ENOX1: variants seen among roughly 807,000 people sequenced by gnomAD.
ENOX1 encodes the protein ecto-NOX disulfide-thiol exchanger 1.
Under a neutral mutation model 82.5 loss-of-function variants are expected in ENOX1, and 42 were observed. The ratio of observed to expected loss-of-function variants is 0.51; its 90% confidence interval spans 0.40 to 0.66. ENOX1 has a LOEUF of 0.66. Ranked by LOEUF, ENOX1 falls within the 30% of genes least tolerant of loss-of-function variation. ENOX1 has a pLI of 0.00. For missense variants in ENOX1, 608 were observed against 811.6 expected, an observed-to-expected ratio of 0.75 and a Z score of 3.05; for synonymous variants, 271 against 282.2, an observed-to-expected ratio of 0.96 and a Z score of 0.40.
chr13:43,350,755 T>C (rs1038079926), intron 8 of ENOX1, among the ~76,000 whole-genome samples: 5 of 152,152 alleles, frequency 3.3e-5, no homozygotes, highest in African/African-American at 1.2e-4. Flanking sequence ...GGTGTTTTTT[T>C]CCTCCCGCTT....
At chr13:43,755,736 T>C (rs1181141142) in intron 1 of ENOX1, among the ~76,000 whole-genome samples, 1 of 152,184 alleles carries the variant, frequency 6.6e-6, no homozygotes, top group Non-Finnish European at 1.5e-5. Flanking sequence ...TATAAAATCA[T>C]CCACAATTGT....
At chr13:43,625,199 G>T (rs73477984) in intron 2 of ENOX1, among the ~76,000 whole-genome samples, 2 of 152,050 alleles carry the variant, frequency 1.3e-5, no homozygotes, top group African/African-American at 4.8e-5. Context: ...AATACAACTG[G>T]CTTTTATATG....
At chr13:43,668,376 T>C (rs955981047) in intron 1 of ENOX1, among the ~76,000 whole-genome samples, 1 of 152,166 alleles carries the variant, frequency 6.6e-6, no homozygotes, top group Non-Finnish European at 1.5e-5. Flanking sequence ...TTCAAGACCA[T>C]CCTCTGGTAT....
At position 43,250,756 on chromosome 13, in the gene ENOX1, T is replaced by A. The variant is rs78999954; in HGVS notation, c.1612-14018A>T. Among the ~76,000 whole-genome samples the A allele has an allele frequency of 9.8e-3, 1,492 of 152,346 alleles. 29 individuals carry two copies. The highest frequency in any genetic ancestry group is 0.034 in the African/African-American group (1,409 of 41,568). ...AAAGATGAATAATAGTGGTTCCTGC[T>A]ATCAAAGAATGTAGGAGTCTATAGG... On this transcript the variant is annotated intron_variant, in intron 14 of 16. Coordinates refer to ENST00000690772, the MANE Select transcript of ENOX1 (RefSeq NM_001347969.2).
intron 3 of ENOX1, among the ~76,000 whole-genome samples, chr13:43,436,325 C>T (rs538276080): frequency 6.6e-6 from 1 of 152,232 alleles, no homozygotes; most frequent in South Asian, 2.1e-4. Flanking sequence ...TACTCACCAA[C>T]TCATGAAATA....
chr13:43,590,767 C>A (rs2081210404), intron 2 of ENOX1, among the ~76,000 whole-genome samples: 3 of 89,352 alleles, frequency 3.4e-5, no homozygotes. Context: ...AAAAGTGAAA[C>A]TTCATCTCAA....
At chr13:43,565,109 T>C (rs2079861132) in intron 2 of ENOX1, among the ~76,000 whole-genome samples, 2 of 151,976 alleles carry the variant, frequency 1.3e-5, no homozygotes, top group South Asian at 4.1e-4. Context: ...GAAAGAGCAA[T>C]AAAGCAAATC....
chr13:43,477,181 A>AT (rs1257720997), intron 3 of ENOX1, among the ~76,000 whole-genome samples: 2 of 148,452 alleles, frequency 1.3e-5, no homozygotes, highest in African/African-American at 4.9e-5. Context: ...ATATATATAT[A>AT]GTATACACAC....
At chr13:43,744,311 AACAG>A (rs998692332) in intron 1 of ENOX1, among the ~76,000 whole-genome samples, 1 of 152,144 alleles carries the variant, frequency 6.6e-6, no homozygotes, top group East Asian at 1.9e-4. Flanking sequence ...CTGTTACAAA[AACAG>A]ACAGAAAGAG....
intron 1 of ENOX1, among the ~76,000 whole-genome samples, chr13:43,702,772 GA>G (rs2086980283): frequency 1.3e-5 from 2 of 151,998 alleles, no homozygotes; most frequent in South Asian, 2.1e-4. Context: ...CCAACATGGT[GA>G]AACCCCATCT....
At chr13:43,421,875 A>C (rs568999510) in intron 3 of ENOX1, among the ~76,000 whole-genome samples, 1 of 150,118 alleles carries the variant, frequency 6.7e-6, no homozygotes, top group African/African-American at 2.4e-5. Context: ...TTTACGTTTT[A>C]TATAAAATAT....
chr13:43,676,470 T>A (rs1029927553), intron 1 of ENOX1, among the ~76,000 whole-genome samples: 9 of 152,144 alleles, frequency 5.9e-5, no homozygotes, highest in African/African-American at 1.9e-4. Flanking sequence ...GACTCCCACC[T>A]CAAATTTAGA....
chr13:43,705,713 T>A (rs749034129), intron 1 of ENOX1, among the ~76,000 whole-genome samples: 1 of 151,998 alleles, frequency 6.6e-6, no homozygotes, highest in South Asian at 2.1e-4. Flanking sequence ...ACCATTCACA[T>A]AGTTGGAGAT....
At position 43,301,684 on chromosome 13, in the gene ENOX1, G is replaced by A. The variant is rs180880359; in HGVS notation, c.1262-3154C>T. 5.5e-3 allele frequency among the ~76,000 whole-genome samples: 828 copies of A among 151,920 alleles called. 3 individuals carry two copies. Among genetic ancestry groups the A allele is most frequent in the Non-Finnish European group, 8.2e-3 (556 of 67,966 alleles). On this transcript the variant is annotated intron_variant, in intron 11 of 16. Coordinates refer to ENST00000690772, the MANE Select transcript of ENOX1 (RefSeq NM_001347969.2). ...TCCTGATTAAATGATTTCAAGCTTG[G>A]TTTTTACAAAAAAATTTTCGTTACT...
intron 2 of ENOX1, among the ~76,000 whole-genome samples, chr13:43,492,343 T>A (rs1348435240): frequency 6.6e-6 from 1 of 152,112 alleles, no homozygotes; most frequent in East Asian, 1.9e-4. Flanking sequence ...AGACCCAGAG[T>A]TGGAGGACCC....
intron 9 of ENOX1, among the ~76,000 whole-genome samples, chr13:43,339,263 G>A (rs1296402576): frequency 6.6e-6 from 1 of 152,188 alleles, no homozygotes; most frequent in East Asian, 1.9e-4. Context: ...CTGAACTTCA[G>A]GAACGGTGGC....
At chr13:43,456,571 A>C (rs1240676809) in intron 3 of ENOX1, among the ~76,000 whole-genome samples, 2 of 152,100 alleles carry the variant, frequency 1.3e-5, no homozygotes. Flanking sequence ...CCCCTGCCTA[A>C]GGAGCCAGTC....
intron 3 of ENOX1, among the ~76,000 whole-genome samples, chr13:43,424,924 A>G (rs1566187025): frequency 6.6e-6 from 1 of 152,164 alleles, no homozygotes. Context: ...CAGCACATCC[A>G]GTTGGAAAGT....
intron 1 of ENOX1, among the ~76,000 whole-genome samples, chr13:43,712,632 C>A (rs2087806114): frequency 6.6e-6 from 1 of 151,014 alleles, no homozygotes; most frequent in Admixed American, 6.6e-5. Context: ...AGGTCCTTCA[C>A]ATCCCTTGTA....
Sources: gnomAD v4.1 joint callset for allele counts (sites outside exome capture counted in the v4.1 genomes callset) on GRCh38, gnomAD v4.1.1 for gene constraint, MANE v1.5 for transcripts, NCBI Gene and HGNC (gene_info 2026-07-23, HGNC 2026-07-21) for gene names.